Variants in RFFL observed in about 807,000 individuals in gnomAD.
RFFL encodes ring finger and FYVE like domain containing E3 ubiquitin protein ligase, also known as E3 ubiquitin-protein ligase rififylin.
RFFL carries 16 observed loss-of-function variants against 40.4 expected under a neutral mutation model. The observed-to-expected ratio is 0.40, with a 90% confidence interval of 0.27 to 0.60. The LOEUF (loss-of-function observed/expected upper bound fraction) is 0.60, where lower values mean the gene tolerates loss of function less well. Ranked by LOEUF, RFFL falls within the 20% of genes least tolerant of loss-of-function variation. The pLI is 0.47. For synonymous variants in RFFL, 154 were observed against 167.9 expected (o/e 0.92, Z 0.64); for missense variants, 367 against 451.7 (o/e 0.81, Z 1.70).
chr17:35,024,998 CTT>C (rs1218664412), intron 2 of RFFL, among the ~76,000 whole-genome samples: 4 of 152,158 alleles, frequency 2.6e-5, no homozygotes, highest in Admixed American at 2.0e-4. Flanking sequence ...TCCAGAAGCT[CTT>C]GTTACACACA....
At chr17:35,040,669 C>A (rs935580014) in intron 1 of RFFL, among the ~76,000 whole-genome samples, 1 of 148,816 alleles carries the variant, frequency 6.7e-6, no homozygotes, top group African/African-American at 2.5e-5. Context: ...TAAATTCCTA[C>A]CTTCATCTCC....
upstream of RFFL, among the ~76,000 whole-genome samples, chr17:35,066,071 C>T (rs1053610178): frequency 2.6e-5 from 4 of 152,084 alleles, no homozygotes; most frequent in East Asian, 3.9e-4. Context: ...GTTGCAGAGC[C>T]GAGATTGCGC....
chr17:35,022,945 A>C (rs943915948), intron 2 of RFFL, among the ~76,000 whole-genome samples: 3 of 152,314 alleles, frequency 2.0e-5, no homozygotes, highest in Middle Eastern at 3.4e-3. Flanking sequence ...AGTCGCTGAC[A>C]ACACAGGAAG....
chr17:35,029,469 G>T (rs1318179442), intron 1 of RFFL, among the ~76,000 whole-genome samples: 1 of 148,462 alleles, frequency 6.7e-6, no homozygotes, highest in East Asian at 2.0e-4. Flanking sequence ...TCAGCTTCCT[G>T]AGTAGCTGGG....
chr17:35,012,199 T>C, intron 6 of RFFL, 50 bp from the exon 7 acceptor site: 1 of 1,549,142 alleles, frequency 6.5e-7, no homozygotes, highest in Non-Finnish European at 8.8e-7. Context: ...GTGAGGAGAA[T>C]GTCTTAAGTG....
At chr17:35,013,610 G>A (rs2090954403) in intron 6 of RFFL, among the ~76,000 whole-genome samples, 1 of 152,216 alleles carries the variant, frequency 6.6e-6, no homozygotes, top group Non-Finnish European at 1.5e-5. Flanking sequence ...GAGGTAGGCT[G>A]GGTGTGAAAG....
intron 1 of RFFL, among the ~76,000 whole-genome samples, chr17:35,035,702 T>A (rs1391323286): frequency 6.7e-6 from 1 of 149,946 alleles, no homozygotes; most frequent in African/African-American, 2.4e-5. Context: ...TGTATATATA[T>A]ATAAATTTTT....
chr17:35,039,327 C>A (rs1175118375), intron 1 of RFFL, among the ~76,000 whole-genome samples: 1 of 152,166 alleles, frequency 6.6e-6, no homozygotes, highest in East Asian at 1.9e-4. Flanking sequence ...TCAAGCGATT[C>A]TCACGCCTCA....
In RFFL at chr17:35,040,671, T is replaced by A. The variant is rs557542310; in HGVS notation, c.-8-14110A>T. On this transcript the variant is annotated intron_variant, in intron 1 of 6. Transcript: ENST00000394597. ...AATCAAAGATGCATAAATTCCTACC[T>A]TCATCTCCCCTGCTCCTGCTGGTGG... Among the ~76,000 whole-genome samples, 19 of 149,378 alleles carry A rather than the reference T, an allele frequency of 1.3e-4. No individual in the cohort carries two copies. In the South Asian group the frequency reaches 2.6e-3, roughly 21 times the overall value.
intron 1 of RFFL, among the ~76,000 whole-genome samples, chr17:35,061,886 G>C (rs914263379): frequency 1.3e-4 from 20 of 151,748 alleles, no homozygotes; most frequent in African/African-American, 4.6e-4. Context: ...CACCATGTTA[G>C]CCAGGCTGGT....
At chr17:35,038,870 T>A (rs1047778973) in intron 1 of RFFL, among the ~76,000 whole-genome samples, 11 of 152,232 alleles carry the variant, frequency 7.2e-5, no homozygotes. Flanking sequence ...ATAATTTATA[T>A]ACTTCTCTAG....
chr17:35,043,650 T>C (rs1033162356), intron 1 of RFFL, among the ~76,000 whole-genome samples: 12 of 152,062 alleles, frequency 7.9e-5, no homozygotes, highest in East Asian at 1.9e-4. Context: ...ACGGGGAAAA[T>C]TGGGGGAGTT....
chr17:35,040,830 A>C (rs1597826069), intron 1 of RFFL, among the ~76,000 whole-genome samples: 1 of 135,946 alleles, frequency 7.4e-6, no homozygotes, highest in Admixed American at 7.6e-5. Flanking sequence ...TCCAAACATC[A>C]GCTTTAATGT....
chr17:35,060,805 A>G (rs1238377653), intron 1 of RFFL, among the ~76,000 whole-genome samples: 5 of 152,122 alleles, frequency 3.3e-5, no homozygotes, highest in African/African-American at 1.2e-4. Context: ...CACGTCAGCC[A>G]CTCTCTCTGA....
chr17:35,016,694 G>A, intron 4 of RFFL, 114 bp from the exon 5 acceptor site: 1 of 756,918 alleles, frequency 1.3e-6, no homozygotes, highest in South Asian at 1.7e-5. Context: ...CTCATGAAGG[G>A]TAGGAACAGA....
chr17:35,086,710 T>G (rs551764700), intron 1 of RFFL, among the ~76,000 whole-genome samples: 4 of 152,198 alleles, frequency 2.6e-5, no homozygotes, highest in Non-Finnish European at 5.9e-5. Flanking sequence ...TGTTATTGTA[T>G]TAACAAGTTA....
At chr17:35,020,064 G>A (rs2090999114) in intron 3 of RFFL, among the ~76,000 whole-genome samples, 1 of 152,200 alleles carries the variant, frequency 6.6e-6, no homozygotes, top group East Asian at 1.9e-4. Flanking sequence ...AGCTCTTTTA[G>A]ACATGGTATC....
intron 1 of RFFL, among the ~76,000 whole-genome samples, chr17:35,073,338 T>C (rs2091360521): frequency 6.6e-6 from 1 of 152,194 alleles, no homozygotes; most frequent in Non-Finnish European, 1.5e-5. Flanking sequence ...CTCACTGCAA[T>C]TTTAGCTCAG....
Position 35,006,147 on chromosome 17 carries a change from G to A in RFFL, c.*5821C>T, listed in dbSNP as rs1253383601. ...GGCTGATTTATTTGAAGAACAAAAG[G>A]AAGAGAGACAATTTAGTGTAGACAA... is the stretch of plus-strand genomic sequence containing the variant. On this transcript the variant is annotated 3_prime_UTR_variant, in exon 7 of 7. Coordinates refer to ENST00000394597, the MANE Select transcript of RFFL (RefSeq NM_001017368.2). 6.1e-6 allele frequency: 1 copy of A among 162,728 alleles called. No homozygotes were observed. Among genetic ancestry groups the A allele is most frequent in the Non-Finnish European group, 1.3e-5 (1 of 74,382 alleles). The allele number at this position is 162,728 out of a possible 1,614,324, so 10.1% of individuals were successfully genotyped here. A position where few individuals can be genotyped will look rare whatever the true frequency, so the allele number is the denominator to read the frequency against.
Sources: gnomAD v4.1 joint callset for allele counts (sites outside exome capture counted in the v4.1 genomes callset) on GRCh38, gnomAD v4.1.1 for gene constraint, MANE v1.5 for transcripts, NCBI Gene and HGNC (gene_info 2026-07-23, HGNC 2026-07-21) for gene names.